The following GFM2 variants were observed in gnomAD, a reference collection of about 807,000 sequenced individuals.
The protein encoded by GFM2 is GTP dependent ribosome recycling factor mitochondrial 2.
A neutral mutation model predicts 95.4 loss-of-function variants in GFM2; 72 were observed. The observed-to-expected ratio is 0.76, with a 90% CI of 0.62 to 0.92. The LOEUF is 0.92. Among genes scored for constraint, GFM2 ranks in the 40% least tolerant of loss-of-function variants. The pLI is 0.00. For missense variants in GFM2, 825 were observed against 924.1 expected, an observed-to-expected ratio of 0.89 and a Z score of 1.39; for synonymous variants, 276 against 317.5, an observed-to-expected ratio of 0.87 and a Z score of 1.39.
At chr5:74,731,183 T>TG in intron 16 of GFM2, among the ~76,000 whole-genome samples, 1 of 152,238 alleles carries the variant, frequency 6.6e-6, no homozygotes, top group East Asian at 1.9e-4. Flanking sequence ...ACCTTGTAAA[T>TG]GGGGGGAATA....
Position 74,745,715 on chromosome 5 carries a change from T to C in GFM2, c.812A>G (p.Lys271Arg), listed in dbSNP as rs1392786332. ...LLEMNDPELLKETTEARNALI... is the reference protein window; with the variant it reads ...LLEMNDPELLRETTEARNALI... ...GGCATTCCTTGCTTCAGTTGTTTCC[T>C]TCAGCAATTCAGGATCATTCATTTC... The change falls in exon 10 of 21, where the codon AAG becomes AGG. Residue 271 changes from lysine to arginine, a missense_variant. Coordinates refer to ENST00000296805, the MANE Select transcript of GFM2 (RefSeq NM_032380.5). 1.2e-6 allele frequency: 2 copies of C among 1,613,416 alleles called. No individual in the cohort carries two copies. The highest frequency in any genetic ancestry group is 2.2e-5 in the East Asian group (1 of 44,844).
chr5:74,732,944 AC>A (rs1005789509), intron 16 of GFM2, 77 bp downstream of exon 16: 10 of 704,784 alleles, frequency 1.4e-5, no homozygotes, highest in Non-Finnish European at 2.5e-5. Flanking sequence ...ACACACACAC[AC>A]ACACACACAC....
intron 5 of GFM2, among the ~76,000 whole-genome samples, chr5:74,751,771 AT>A (rs1236913639): frequency 2.0e-5 from 3 of 152,072 alleles, no homozygotes; most frequent in Non-Finnish European, 4.4e-5. Flanking sequence ...TATTTCTTAC[AT>A]AGCTTAACTA....
intron 1 of GFM2, among the ~76,000 whole-genome samples, chr5:74,766,187 C>A (rs1048938444): frequency 6.6e-6 from 1 of 152,156 alleles, no homozygotes; most frequent in African/African-American, 2.4e-5. Flanking sequence ...GAGCCTGTAG[C>A]TCGCTACTTT....
chr5:74,757,903 AG>A (rs1442852893), intron 5 of GFM2, among the ~76,000 whole-genome samples: 1 of 152,142 alleles, frequency 6.6e-6, no homozygotes, highest in Non-Finnish European at 1.5e-5. Context: ...AAAGTCATGA[AG>A]AAAAAGTAGA....
intron 15 of GFM2, chr5:74,733,327 C>CAAA: frequency 5.1e-6 from 1 of 197,058 alleles, no homozygotes; most frequent in South Asian, 1.2e-4. Context: ...CCCGTCTTTA[C>CAAA]AAAAAAAGAA....
chr5:74,765,103 T>C (rs756456273), intron 1 of GFM2: 32 of 1,258,280 alleles, frequency 2.5e-5, no homozygotes, highest in Non-Finnish European at 3.2e-5. Flanking sequence ...CATTCCCTTT[T>C]CATTGGTAAC....
At chr5:74,733,201 G>T in intron 15 of GFM2, 103 bp from the exon 16 acceptor site, 2 of 828,930 alleles carry the variant, frequency 2.4e-6, no homozygotes, top group East Asian at 2.8e-5. Context: ...TTTTGAAAAA[G>T]AAATTTCGAC....
intron 2 of GFM2, 82 bp from the exon 3 acceptor site, chr5:74,761,068 T>C (rs949399703): frequency 2.5e-6 from 2 of 787,132 alleles, no homozygotes; most frequent in African/African-American, 1.8e-5. Flanking sequence ...TTACGCTTTG[T>C]CAGAAGATAA....
intron 7 of GFM2, among the ~76,000 whole-genome samples, chr5:74,749,099 T>G (rs987078224): frequency 6.6e-6 from 1 of 151,698 alleles, no homozygotes; most frequent in African/African-American, 2.4e-5. Flanking sequence ...AGCCCCAACC[T>G]CCCTGCTGGG....
At chr5:74,747,827 A>AGTTACTTT in intron 7 of GFM2, 47 bp from the exon 8 acceptor site, 1 of 1,030,882 alleles carries the variant, frequency 9.7e-7, no homozygotes, top group Non-Finnish European at 1.5e-6. Flanking sequence ...AAAAGTAACT[A>AGTTACTTT]TGTTACTAGA....
chr5:74,740,202 T>TA (rs1306877297), intron 11 of GFM2, 65 bp from the exon 12 acceptor site: 33 of 1,426,958 alleles, frequency 2.3e-5, no homozygotes, highest in East Asian at 5.0e-5. Flanking sequence ...AGCTCAAAAT[T>TA]AGAGGTTTTC....
At chr5:74,756,670 T>TAC (rs34220745) in intron 5 of GFM2, among the ~76,000 whole-genome samples, 11,387 of 151,696 alleles carry the variant, frequency 0.075, 611 homozygotes, top group East Asian at 0.16. Flanking sequence ...TGTGTGTATA[T>TAC]ATATATACAC....
At chr5:74,750,472 T>TA in intron 7 of GFM2, 107 bp downstream of exon 7, 1 of 662,984 alleles carries the variant, frequency 1.5e-6, no homozygotes, top group South Asian at 1.9e-5. Flanking sequence ...TTATTTGATT[T>TA]ATGTGAACTT....
rs776564805 is a variant in GFM2 at position 74,722,389 on chromosome 5, G to C, written c.2201C>G (p.Ala734Gly). Residue 734 changes from alanine to glycine, a missense_variant, in exon 20 of 21, where the codon GCA becomes GGA. Transcript: ENST00000296805. The part of the protein sequence containing the change: ...NKVVIGFVPL[A>G]EIMGYSTVLR... ...TTACAAAGTACCTACCATAATTTCT[G>C]CTAAGGGAACAAATCCAATAACAAC... 1.9e-6 allele frequency: 3 copies of C among 1,613,314 alleles called. No homozygotes were observed. The East Asian group carries it at 6.7e-5, about 36-fold the overall frequency.
At chr5:74,747,590 C>T (rs986120284) in intron 8 of GFM2, 102 bp downstream of exon 8, 1 of 680,720 alleles carries the variant, frequency 1.5e-6, no homozygotes, top group Non-Finnish European at 2.6e-6. Flanking sequence ...CCCTATAATA[C>T]AATAGGAAAA....
At chr5:74,760,833 G>T in intron 3 of GFM2, 69 bp downstream of exon 3, 1 of 1,016,860 alleles carries the variant, frequency 9.8e-7, no homozygotes, top group Non-Finnish European at 1.5e-6. Context: ...GGAGATTCTT[G>T]CAAACAAGAG....
chr5:74,729,064 T>A (rs1750291922), intron 17 of GFM2, among the ~76,000 whole-genome samples: 1 of 152,176 alleles, frequency 6.6e-6, no homozygotes, highest in Non-Finnish European at 1.5e-5. Flanking sequence ...GTGTGGCATC[T>A]GAGGCCTGGG....
At chr5:74,761,075 A>G (rs557462409) in intron 2 of GFM2, 89 bp from the exon 3 acceptor site, 12 of 765,652 alleles carry the variant, frequency 1.6e-5, no homozygotes, top group African/African-American at 8.8e-5. Flanking sequence ...TTGTCAGAAG[A>G]TAAAATATTT....
Sources: gnomAD v4.1 joint callset for allele counts (sites outside exome capture counted in the v4.1 genomes callset) on GRCh38, gnomAD v4.1.1 for gene constraint, MANE v1.5 for transcripts, NCBI Gene and HGNC (gene_info 2026-07-23, HGNC 2026-07-21) for gene names.